Variants in CHST12 observed in about 807,000 individuals in gnomAD.
CHST12 encodes the protein carbohydrate (chondroitin 4) sulfotransferase 12.
A neutral mutation model predicts 27.9 loss-of-function variants in CHST12; 23 were observed. The ratio of observed to expected loss-of-function variants is 0.82; its 90% confidence interval spans 0.59 to 1.17. The LOEUF is 1.17. Among genes scored for constraint, CHST12 ranks in the 50% most tolerant of loss-of-function variants. The probability of loss-of-function intolerance (pLI) is 0.00; values close to 1 mark genes in which losing one functional copy is unlikely to be tolerated. For missense variants in CHST12, 682 were observed against 603.0 expected (o/e 1.13, Z -1.37); for synonymous variants, 322 against 273.0 (o/e 1.18, Z -1.77).
Position 2,436,826 on chromosome 7 carries a change from GA to G in CHST12, c.*2943del, listed in dbSNP as rs1782485369. Reference sequence around the variant, plus strand: ...CACCTGGGGTGTTTGCAGGGATGTGGAGGGGTTCCTGCAGAAGACACCACCC... The same window carrying G: ...CACCTGGGGTGTTTGCAGGGATGTGGGGGGTTCCTGCAGAAGACACCACCC... On this transcript the variant is annotated 3_prime_UTR_variant, in exon 2 of 2. Coordinates refer to ENST00000618655, the MANE Select transcript of CHST12 (RefSeq NM_018641.5). 1.3e-5 allele frequency: 2 copies of G among 152,242 alleles called. No individual in the cohort carries two copies. The highest frequency in any genetic ancestry group is 4.8e-5 in the African/African-American group (2 of 41,458). 9.4% of individuals were successfully genotyped at this position (152,242 alleles called of 1,614,324 possible).
rs867406302 is a variant in CHST12, at chr7:2,435,605, G to A, written c.*1721G>A. 2 of 152,218 alleles carry A rather than the reference G, an allele frequency of 1.3e-5. No individual in the cohort carries two copies. The highest frequency in any genetic ancestry group is 4.8e-5 in the African/African-American group (2 of 41,422). The allele number at this position is 152,218 out of a possible 1,614,324, so 9.4% of individuals were successfully genotyped here. ...ACCCTGCTTGACCTGTCTTCCTCGT[G>A]TGTGGTATTTGTCACCACTGCCCAG... On this transcript the variant is annotated 3_prime_UTR_variant, in exon 2 of 2. Coordinates refer to ENST00000618655, the MANE Select transcript of CHST12 (RefSeq NM_018641.5).
In CHST12 at chr7:2,437,210, G is replaced by A. The variant is rs2115453959; in HGVS notation, c.*3326G>A. 1 of 152,382 alleles carries A rather than the reference G, an allele frequency of 6.6e-6. No homozygotes were observed. The highest frequency in any genetic ancestry group is 2.4e-5 in the African/African-American group (1 of 41,588). The allele number at this position is 152,382 out of a possible 1,614,324, so 9.4% of individuals were successfully genotyped here. The stretch of plus-strand genomic sequence containing the variant: ...GTGTCCACACTTTGAGCACAGTCAT[G>A]AGAATGACTTGGTTGGGTGCGGGGT... On this transcript the variant is annotated 3_prime_UTR_variant, in exon 2 of 2. Transcript: ENST00000618655.
rs372101728 is a variant in CHST12 at position 2,428,813 on chromosome 7, A to C, written c.-77-3750A>C. On this transcript the variant is annotated intron_variant, in intron 1 of 1. Transcript: ENST00000618655. ...TAATCAGCAGTAATAGTTGCAGCAA[A>C]AGCTGGTTACAAACAATCCATAGAA... Among the ~76,000 whole-genome samples the C allele has an allele frequency of 1.2e-4, 18 of 152,328 alleles. No homozygotes were observed. The East Asian group carries it at 2.1e-3, about 18-fold the overall frequency.
intron 1 of CHST12, among the ~76,000 whole-genome samples, chr7:2,415,325 A>T (rs767976591): frequency 6.6e-6 from 1 of 151,812 alleles, no homozygotes; most frequent in Admixed American, 6.6e-5. Flanking sequence ...AGATTGTGCC[A>T]CTGCACTCCA....
intron 1 of CHST12, among the ~76,000 whole-genome samples, chr7:2,414,287 C>G (rs908484210): frequency 6.6e-6 from 1 of 150,474 alleles, no homozygotes; most frequent in African/African-American, 2.4e-5. Context: ...TTTTCTTTTT[C>G]TTTTTTTTTC....
In CHST12 at chr7:2,407,684, C is replaced by T. The variant is rs7790904; in HGVS notation, c.-78+4011C>T. Among the ~76,000 whole-genome samples, 295 of 152,104 alleles carry T rather than the reference C, an allele frequency of 1.9e-3. 3 individuals carry two copies. Among genetic ancestry groups the T allele is most frequent in the African/African-American group, 6.0e-3 (250 of 41,490 alleles). ...GGGTGTGGTGGCTCATGCCTGTAAT[C>T]CCAGCAATTTAGGAGGTAGGTGAAT... On this transcript the variant is annotated intron_variant, in intron 1 of 1. Coordinates refer to ENST00000618655, the MANE Select transcript of CHST12 (RefSeq NM_018641.5).
intron 1 of CHST12, among the ~76,000 whole-genome samples, chr7:2,409,203 T>C (rs984950836): frequency 6.6e-6 from 1 of 152,034 alleles, no homozygotes; most frequent in South Asian, 2.1e-4. Context: ...GCAGAGAAGG[T>C]GTGGGGAGGA....
At position 2,433,471 on chromosome 7, in the gene CHST12, T is replaced by TA. The variant is rs1195909512; in HGVS notation, c.833dup (p.Tyr278Ter). 6.2e-7 allele frequency: 1 copy of TA among 1,611,080 alleles called. No individual in the cohort carries two copies. Among genetic ancestry groups the TA allele is most frequent in the African/African-American group, 1.3e-5 (1 of 74,934 alleles). The change falls in exon 2 of 2, where the codon TAC becomes TAAC. Residue 278 changes from tyrosine to a stop codon, truncating the protein, a stop_gained and frameshift_variant. Coordinates refer to ENST00000618655, the MANE Select transcript of CHST12 (RefSeq NM_018641.5). LOFTEE classifies it high-confidence loss of function. This position sits in a 1 kb window ranked among gnomAD's most constrained non-coding sequence, Gnocchi z 6.1. ...GTTCGCCGTGCCCATGCTGCGGCTGTACGCCAACCACACCAGCCTGCCCGC... is the reference window on the plus strand; with the variant it reads ...GTTCGCCGTGCCCATGCTGCGGCTGTAACGCCAACCACACCAGCCTGCCCGC... ...RKFAVPMLRLYANHTSLPASA... is the reference protein window; with the variant it reads ...RKFAVPMLRL
Position 2,437,068 on chromosome 7 carries a change from T to C in CHST12, c.*3184T>C, listed in dbSNP as rs1201037437. 6.6e-6 allele frequency: 1 copy of C among 152,274 alleles called. No individual in the cohort carries two copies. Among genetic ancestry groups the C allele is most frequent in the African/African-American group, 2.4e-5 (1 of 41,474 alleles). 9.4% of individuals were successfully genotyped at this position (152,274 alleles called of 1,614,324 possible). A position where few individuals can be genotyped will look rare whatever the true frequency, so the allele number is the denominator to read the frequency against. On this transcript the variant is annotated 3_prime_UTR_variant, in exon 2 of 2. Coordinates refer to ENST00000618655, the MANE Select transcript of CHST12 (RefSeq NM_018641.5). Reference sequence around the variant, plus strand: ...GTAGAGACCTTTGGCTCTGGTTTTTTCTTTTTCCACTGAAACACAGCAAAT... The same window carrying C: ...GTAGAGACCTTTGGCTCTGGTTTTTCCTTTTTCCACTGAAACACAGCAAAT...
At chr7:2,423,281 TAAA>T (rs1490098398) in intron 1 of CHST12, among the ~76,000 whole-genome samples, 1 of 150,816 alleles carries the variant, frequency 6.6e-6, no homozygotes, top group Non-Finnish European at 1.5e-5. Flanking sequence ...TCAAAAAAAA[TAAA>T]AAAAAGTAGA....
intron 1 of CHST12, among the ~76,000 whole-genome samples, chr7:2,419,079 T>C (rs1211709565): frequency 6.6e-6 from 1 of 151,916 alleles, no homozygotes; most frequent in Non-Finnish European, 1.5e-5. Context: ...ATCACAGGCA[T>C]GAACCACCAT....
chr7:2,412,633 A>C (rs1006358266), intron 1 of CHST12, among the ~76,000 whole-genome samples: 3 of 152,188 alleles, frequency 2.0e-5, no homozygotes, highest in Admixed American at 1.3e-4. Context: ...GAAACCTACC[A>C]ATTCTGCCTA....
chr7:2,419,436 G>A (rs1781905179), intron 1 of CHST12, among the ~76,000 whole-genome samples: 1 of 151,230 alleles, frequency 6.6e-6, no homozygotes, highest in South Asian at 2.1e-4. Context: ...GCTGGGCATA[G>A]TGGCTTACGC....
rs1472981806 is a variant in CHST12 at position 2,434,812 on chromosome 7, G to T, written c.*928G>T. 6.6e-6 allele frequency: 1 copy of T among 152,044 alleles called. No individual in the cohort carries two copies. The highest frequency in any genetic ancestry group is 1.5e-5 in the Non-Finnish European group (1 of 68,106). 9.4% of individuals were successfully genotyped at this position (152,044 alleles called of 1,614,324 possible). A position where few individuals can be genotyped will look rare whatever the true frequency, so the allele number is the denominator to read the frequency against. The stretch of plus-strand genomic sequence containing the variant: ...AATACATTATGGCTATTAAGGCTGG[G>T]CACGGTGGCTCATGCCTGCAATCCT... On this transcript the variant is annotated 3_prime_UTR_variant, in exon 2 of 2. Coordinates refer to ENST00000618655, the MANE Select transcript of CHST12 (RefSeq NM_018641.5).
At chr7:2,421,850 G>A (rs1781984299) in intron 1 of CHST12, among the ~76,000 whole-genome samples, 1 of 152,100 alleles carries the variant, frequency 6.6e-6, no homozygotes, top group Non-Finnish European at 1.5e-5. Flanking sequence ...ACAGGCATGA[G>A]CCACCATAGC....
rs1372461040 is a variant in CHST12, at chr7:2,433,975, T to G, written c.*91T>G. On this transcript the variant is annotated 3_prime_UTR_variant, in exon 2 of 2. Coordinates refer to ENST00000618655, the MANE Select transcript of CHST12 (RefSeq NM_018641.5). The surrounding 1 kb of genome is among the most constrained non-coding windows in gnomAD (Gnocchi z 6.1). ...GACCTACGATTTTGCAATCTGGGCT[T>G]CTTGTTCACTCCACTGCCTCTATCC... is the stretch of plus-strand genomic sequence containing the variant. The G allele has an allele frequency of 2.0e-5, 20 of 1,012,578 alleles. No individual in the cohort carries two copies. The highest frequency in any genetic ancestry group is 1.7e-4 in the East Asian group (7 of 41,670). 62.7% of individuals were successfully genotyped at this position (1,012,578 alleles called of 1,614,324 possible).
intron 1 of CHST12, among the ~76,000 whole-genome samples, chr7:2,421,233 T>C (rs1196633535): frequency 1.3e-5 from 2 of 148,708 alleles, no homozygotes; most frequent in Non-Finnish European, 3.0e-5. Context: ...AATTCTTTTT[T>C]TTTTTTTTTT....
At position 2,440,718 on chromosome 7, in the gene CHST12, G is replaced by T. The variant is rs1248692233; in HGVS notation, c.*6834G>T. 6.6e-6 allele frequency: 1 copy of T among 152,178 alleles called. No individual in the cohort carries two copies. Among genetic ancestry groups the T allele is most frequent in the Non-Finnish European group, 1.5e-5 (1 of 68,060 alleles). The allele number at this position is 152,178 out of a possible 1,614,324, so 9.4% of individuals were successfully genotyped here. A position where few individuals can be genotyped will look rare whatever the true frequency, so the allele number is the denominator to read the frequency against. ...ATTCACCTTCACACTTCCAGAAACTGCCAAGAAGAATGCCGCCGCTCAGGT... is the reference window on the plus strand; with the variant it reads ...ATTCACCTTCACACTTCCAGAAACTTCCAAGAAGAATGCCGCCGCTCAGGT... On this transcript the variant is annotated 3_prime_UTR_variant, in exon 2 of 2. Coordinates refer to ENST00000618655, the MANE Select transcript of CHST12 (RefSeq NM_018641.5).
At chr7:2,416,867 A>G (rs1781821621) in intron 1 of CHST12, among the ~76,000 whole-genome samples, 1 of 152,190 alleles carries the variant, frequency 6.6e-6, no homozygotes, top group South Asian at 2.1e-4. Flanking sequence ...GGAGTGGGGC[A>G]GAGTCACATA....
Sources: gnomAD v4.1 joint callset for allele counts (sites outside exome capture counted in the v4.1 genomes callset) on GRCh38, gnomAD v4.1.1 for gene constraint, Gnocchi (gnomAD v3.1) non-coding constraint, MANE v1.5 for transcripts, NCBI Gene and HGNC (gene_info 2026-07-23, HGNC 2026-07-21) for gene names.